Variants in PLGRKT observed in about 807,000 individuals in gnomAD.
The protein encoded by PLGRKT is plasminogen receptor (KT).
In PLGRKT, 22 loss-of-function variants were observed where a neutral mutation model predicts 18.5. The observed-to-expected ratio is 1.19, with a 90% CI of 0.85 to 1.70. The LOEUF (loss-of-function observed/expected upper bound fraction) is 1.70, where lower values mean the gene tolerates loss of function less well. PLGRKT is among the 40% of genes most tolerant of loss of function. The pLI is 0.00. For synonymous variants in PLGRKT, 72 were observed against 52.8 expected, an observed-to-expected ratio of 1.36 and a Z score of -1.58; for missense variants, 235 against 174.4, an observed-to-expected ratio of 1.35 and a Z score of -1.96.
intron 2 of PLGRKT, among the ~76,000 whole-genome samples, chr9:5,435,127 G>C (rs557850180): frequency 4.6e-5 from 7 of 152,070 alleles, no homozygotes; most frequent in Admixed American, 6.5e-5. Context: ...CAGCATGCTC[G>C]TTAAGAGTCA....
intron 3 of PLGRKT, among the ~76,000 whole-genome samples, chr9:5,431,254 T>C (rs1283040059): frequency 6.6e-6 from 1 of 152,152 alleles, no homozygotes; most frequent in Non-Finnish European, 1.5e-5. Context: ...TAAAGACCCT[T>C]GTGGGCCAGG....
At chr9:5,363,734 G>C (rs1483038815) in intron 3 of PLGRKT, among the ~76,000 whole-genome samples, 1 of 152,088 alleles carries the variant, frequency 6.6e-6, no homozygotes, top group African/African-American at 2.4e-5. Flanking sequence ...CCCAAGCCTA[G>C]GTCATACCAG....
chr9:5,394,081 T>C (rs779715706), intron 3 of PLGRKT, among the ~76,000 whole-genome samples: 24 of 151,878 alleles, frequency 1.6e-4, no homozygotes, highest in Non-Finnish European at 2.9e-4. Flanking sequence ...CCAAGTTTCA[T>C]ACACATCCCT....
At chr9:5,359,165 T>A (rs138413888) in intron 5 of PLGRKT, among the ~76,000 whole-genome samples, 83 of 151,804 alleles carry the variant, frequency 5.5e-4, no homozygotes, top group African/African-American at 2.0e-3. Flanking sequence ...TGGGTTCAAG[T>A]GATTCTTGTA....
chr9:5,407,203 T>C (rs776290427), intron 3 of PLGRKT, among the ~76,000 whole-genome samples: 1 of 152,148 alleles, frequency 6.6e-6, no homozygotes, highest in Non-Finnish European at 1.5e-5. Context: ...ATAACAAAAA[T>C]TCAGATGCTA....
At chr9:5,371,077 A>G (rs1287177030) in intron 3 of PLGRKT, among the ~76,000 whole-genome samples, 1 of 152,248 alleles carries the variant, frequency 6.6e-6, no homozygotes, top group Non-Finnish European at 1.5e-5. Context: ...CAACATAATT[A>G]CATCCATTCT....
intron 3 of PLGRKT, among the ~76,000 whole-genome samples, chr9:5,390,225 G>C (rs1817922677): frequency 2.2e-5 from 3 of 138,442 alleles, no homozygotes; most frequent in African/African-American, 7.8e-5. Flanking sequence ...GCGTGTGTGT[G>C]TGTGTGTGTG....
intron 3 of PLGRKT, among the ~76,000 whole-genome samples, chr9:5,401,310 G>C (rs1485024009): frequency 6.6e-6 from 1 of 151,844 alleles, no homozygotes; most frequent in Admixed American, 6.6e-5. Flanking sequence ...AAAATATGTA[G>C]ATTAGGTTAT....
At chr9:5,422,749 G>C (rs568542276) in intron 3 of PLGRKT, among the ~76,000 whole-genome samples, 1 of 152,108 alleles carries the variant, frequency 6.6e-6, no homozygotes, top group Non-Finnish European at 1.5e-5. Context: ...ATAGAAATTT[G>C]CCTTAAAGTA....
At chr9:5,368,275 T>G (rs752252848) in intron 3 of PLGRKT, among the ~76,000 whole-genome samples, 14 of 152,188 alleles carry the variant, frequency 9.2e-5, no homozygotes, top group African/African-American at 3.1e-4. Context: ...AAAAGACGTA[T>G]CTACTCATAT....
At position 5,361,795 on chromosome 9, in the gene PLGRKT, T is replaced by G. The variant is rs766934760; in HGVS notation, c.175A>C (p.Thr59Pro). Residue 59 changes from threonine (T) to proline (P), a missense_variant, in exon 4 of 6, where the codon ACT (threonine) becomes CCT (proline). Physicochemically the swap from Thr to Pro is conservative, Grantham distance 38. Transcript: ENST00000223864. ...WSREFLKYFGTFFGLAAISLT... is the reference protein window; with the variant it reads ...WSREFLKYFGPFFGLAAISLT... ...GAGATGGCTGCAAGGCCAAAAAAAG[T>G]TCCAAAATATTTGAGGAATTCCCGA... 1 of 1,613,098 alleles carries G rather than the reference T, an allele frequency of 6.2e-7. No homozygotes were observed. The highest frequency in any genetic ancestry group is 1.1e-5 in the South Asian group (1 of 90,814).
chr9:5,415,007 A>G (rs541789024), intron 3 of PLGRKT, among the ~76,000 whole-genome samples: 1 of 152,340 alleles, frequency 6.6e-6, no homozygotes, highest in African/African-American at 2.4e-5. Context: ...GAGGACAATC[A>G]TCATAACAGT....
In PLGRKT at chr9:5,387,672, G is replaced by T. The variant is rs369881605; in HGVS notation, c.82-25784C>A. Among the ~76,000 whole-genome samples, 162 of 151,904 alleles carry T rather than the reference G, an allele frequency of 1.1e-3. 2 individuals are homozygous for T. The highest frequency in any genetic ancestry group is 2.9e-3 in the African/African-American group (121 of 41,208). ...AGAGGCGGGAGGAAGCCTCCTGCGG[G>T]GGGGCTGGGAATGATCTATCTTTTG... On this transcript the variant is annotated intron_variant, in intron 3 of 5. Coordinates refer to ENST00000223864, the MANE Select transcript of PLGRKT (RefSeq NM_018465.4).
chr9:5,436,719 C>T (rs1036443728), intron 1 of PLGRKT, 25 bp from the exon 2 acceptor site: 3 of 152,206 alleles, frequency 2.0e-5, no homozygotes, highest in Non-Finnish European at 2.9e-5. Context: ...ATGCATCACA[C>T]CTTGTAAATT....
chr9:5,370,259 G>A (rs1000178648), intron 3 of PLGRKT, among the ~76,000 whole-genome samples: 3 of 152,028 alleles, frequency 2.0e-5, no homozygotes, highest in Non-Finnish European at 2.9e-5. Flanking sequence ...CAAAATTACT[G>A]ACCTCAGTAA....
chr9:5,363,538 G>A (rs933120859), intron 3 of PLGRKT, among the ~76,000 whole-genome samples: 4 of 152,110 alleles, frequency 2.6e-5, no homozygotes, highest in Non-Finnish European at 4.4e-5. Context: ...TGAGGGAGAC[G>A]GAAGTGGCCT....
At chr9:5,425,878 T>G (rs1479479893) in intron 3 of PLGRKT, among the ~76,000 whole-genome samples, 1 of 152,210 alleles carries the variant, frequency 6.6e-6, no homozygotes, top group Admixed American at 6.5e-5. Flanking sequence ...AAAACTCCAG[T>G]AGGATAAGAT....
chr9:5,391,671 T>A (rs1817951896), intron 3 of PLGRKT, among the ~76,000 whole-genome samples: 1 of 151,914 alleles, frequency 6.6e-6, no homozygotes. Context: ...TAAGGCTAGC[T>A]CTTCTCCATG....
chr9:5,413,006 T>C (rs1375930281), intron 3 of PLGRKT, among the ~76,000 whole-genome samples: 1 of 152,106 alleles, frequency 6.6e-6, no homozygotes, highest in African/African-American at 2.4e-5. Flanking sequence ...CACTCATAAT[T>C]AAAGAAAAGC....
Sources: allele counts gnomAD v4.1 joint callset (sites outside exome capture counted in the v4.1 genomes callset), GRCh38; gene constraint gnomAD v4.1.1; transcripts MANE v1.5; gene names NCBI Gene and HGNC (gene_info 2026-07-23, HGNC 2026-07-21).